CNBD1: variants seen among roughly 807,000 people sequenced by gnomAD.
The protein encoded by CNBD1 is cyclic nucleotide-binding domain-containing protein 1.
A neutral mutation model predicts 54.4 loss-of-function variants in CNBD1; 71 were observed. The observed-to-expected ratio is 1.30, with a 90% CI of 1.08 to 1.59. The LOEUF (loss-of-function observed/expected upper bound fraction) is 1.59, where lower values mean the gene tolerates loss of function less well. CNBD1 is among the 40% of genes most tolerant of loss of function. The pLI, the probability that CNBD1 is intolerant of heterozygous loss-of-function variation, is 0.00. For missense variants in CNBD1, 659 were observed against 518.0 expected, an observed-to-expected ratio of 1.27 and a Z score of -2.64; for synonymous variants, 182 against 170.7, an observed-to-expected ratio of 1.07 and a Z score of -0.51.
At chr8:86,931,452 AG>A (rs1365776888) in intron 3 of CNBD1, among the ~76,000 whole-genome samples, 6 of 148,424 alleles carry the variant, frequency 4.0e-5, no homozygotes, top group Admixed American at 3.4e-4. Context: ...GACATGGGCA[AG>A]GGGGTGGCTT....
chr8:86,894,796 T>A (rs1808826013), intron 2 of CNBD1, among the ~76,000 whole-genome samples: 1 of 152,280 alleles, frequency 6.6e-6, no homozygotes, highest in Non-Finnish European at 1.5e-5. Flanking sequence ...CTGTATATAT[T>A]ATTTTCAGAT....
intron 4 of CNBD1, among the ~76,000 whole-genome samples, chr8:87,198,434 A>G (rs117035091): frequency 0.036 from 5,414 of 152,346 alleles, 124 homozygotes; most frequent in Non-Finnish European, 0.052. Context: ...GTTTTCAACA[A>G]AAATTATGAT....
chr8:86,894,034 A>ATTTTTTT (rs1372102651), intron 2 of CNBD1, among the ~76,000 whole-genome samples: 2 of 91,622 alleles, frequency 2.2e-5, no homozygotes, highest in Admixed American at 1.3e-4. Context: ...TTAATAGATT[A>ATTTTTTT]ATTTTTTTTT....
At chr8:87,134,068 T>C (rs984306404) in intron 4 of CNBD1, among the ~76,000 whole-genome samples, 2 of 152,188 alleles carry the variant, frequency 1.3e-5, no homozygotes, top group Non-Finnish European at 2.9e-5. Flanking sequence ...AATCTTGTTA[T>C]TGGAAAAAGC....
At chr8:86,877,403 G>A (rs1011813449) in intron 1 of CNBD1, among the ~76,000 whole-genome samples, 11 of 152,212 alleles carry the variant, frequency 7.2e-5, no homozygotes, top group Admixed American at 1.3e-4. Flanking sequence ...CTTACTAGGC[G>A]AAATTTGATA....
At chr8:87,118,298 G>C (rs1262006580) in intron 4 of CNBD1, among the ~76,000 whole-genome samples, 1 of 128,272 alleles carries the variant, frequency 7.8e-6, no homozygotes, top group African/African-American at 3.0e-5. Flanking sequence ...CTGGGCGACA[G>C]AGCGAGACTC....
chr8:87,314,836 G>A (rs1809347842), intron 8 of CNBD1, among the ~76,000 whole-genome samples: 1 of 151,986 alleles, frequency 6.6e-6, no homozygotes, highest in African/African-American at 2.4e-5. Context: ...TAAAGGTGCT[G>A]TATGAAACAA....
At chr8:86,993,661 G>A (rs984075406) in intron 4 of CNBD1, among the ~76,000 whole-genome samples, 17 of 152,174 alleles carry the variant, frequency 1.1e-4, no homozygotes, top group Admixed American at 2.6e-4. Flanking sequence ...ACAAGGCTCT[G>A]TATGGGATCT....
intron 4 of CNBD1, among the ~76,000 whole-genome samples, chr8:87,094,599 G>C (rs997575035): frequency 6.6e-6 from 1 of 152,058 alleles, no homozygotes; most frequent in Admixed American, 6.5e-5. Context: ...TGCCCTCAGG[G>C]ATGTTAGATG....
intron 4 of CNBD1, among the ~76,000 whole-genome samples, chr8:86,982,768 A>G (rs191573109): frequency 1.3e-5 from 2 of 152,216 alleles, no homozygotes; most frequent in East Asian, 1.9e-4. Flanking sequence ...TGCCTTTTCT[A>G]AGTCCCCTCT....
At chr8:86,975,498 G>T (rs1212244609) in intron 4 of CNBD1, among the ~76,000 whole-genome samples, 1 of 151,764 alleles carries the variant, frequency 6.6e-6, no homozygotes, top group Non-Finnish European at 1.5e-5. Flanking sequence ...TTTTGTGCCT[G>T]GTTTATTTCA....
intron 4 of CNBD1, among the ~76,000 whole-genome samples, chr8:87,183,790 T>C (rs567101910): frequency 1.3e-5 from 2 of 152,306 alleles, no homozygotes; most frequent in Non-Finnish European, 2.9e-5. Flanking sequence ...TCTGGATGCT[T>C]TCAGGGGGAC....
At chr8:86,893,563 C>T (rs1015731486) in intron 2 of CNBD1, among the ~76,000 whole-genome samples, 2 of 152,258 alleles carry the variant, frequency 1.3e-5, no homozygotes, top group Non-Finnish European at 2.9e-5. Context: ...TTCCCTAGAT[C>T]TTGATTTCAG....
rs549128690 is a variant in CNBD1 at position 87,401,842 on chromosome 8, A to T, written c.214-26704A>T. On this transcript the variant is annotated intron_variant, in intron 2 of 7. Transcript: ENST00000521593. ...CATTAAGGAACACCAATATCATTTGATAATTAAACACAGAATAACAGGTAG... is the reference window on the plus strand; with the variant it reads ...CATTAAGGAACACCAATATCATTTGTTAATTAAACACAGAATAACAGGTAG... Among the ~76,000 whole-genome samples the T allele has an allele frequency of 5.9e-5, 9 of 152,170 alleles. No individual in the cohort carries two copies. The East Asian group carries it at 1.6e-3, about 26-fold the overall frequency.
intron 4 of CNBD1, among the ~76,000 whole-genome samples, chr8:87,034,855 T>C (rs898478697): frequency 6.6e-6 from 1 of 152,178 alleles, no homozygotes; most frequent in African/African-American, 2.4e-5. Flanking sequence ...AAGGATCAAC[T>C]ATATACATAT....
intron 6 of CNBD1, among the ~76,000 whole-genome samples, chr8:87,276,576 A>G (rs111976358): frequency 6.6e-6 from 1 of 151,904 alleles, no homozygotes; most frequent in Non-Finnish European, 1.5e-5. Flanking sequence ...AGTTGCTTCA[A>G]TCTATTGAAT....
chr8:87,291,664 A>G (rs1049961323), intron 8 of CNBD1, among the ~76,000 whole-genome samples: 1 of 152,046 alleles, frequency 6.6e-6, no homozygotes, highest in Admixed American at 6.6e-5. Flanking sequence ...GTGAGGGGGC[A>G]CAGGGGACAA....
At chr8:87,251,198 A>G (rs1054681775) in intron 6 of CNBD1, among the ~76,000 whole-genome samples, 6 of 152,276 alleles carry the variant, frequency 3.9e-5, no homozygotes, top group Non-Finnish European at 8.8e-5. Flanking sequence ...GTAAAATTTC[A>G]GAGCCCTAGT....
At chr8:87,328,533 A>T (rs1194895312) in intron 8 of CNBD1, among the ~76,000 whole-genome samples, 2 of 151,942 alleles carry the variant, frequency 1.3e-5, no homozygotes, top group Middle Eastern at 3.2e-3. Context: ...TATGTTTTGA[A>T]TCAGAAACTA....
Sources: allele counts gnomAD v4.1 joint callset (sites outside exome capture counted in the v4.1 genomes callset), GRCh38; gene constraint gnomAD v4.1.1; transcripts MANE v1.5; gene names NCBI Gene and HGNC (gene_info 2026-07-23, HGNC 2026-07-21).